Variants in TUSC3 observed in about 807,000 individuals in gnomAD.
TUSC3 encodes the protein dolichyl-diphosphooligosaccharide--protein glycosyltransferase subunit TUSC3.
Under a neutral mutation model 44.8 loss-of-function variants are expected in TUSC3, and 45 were observed. That is an observed-to-expected ratio of 1.00 (90% CI 0.79 to 1.29). The LOEUF is 1.29. Among genes scored for constraint, TUSC3 ranks in the 50% most tolerant of loss-of-function variants. TUSC3 has a pLI of 0.00. For missense variants in TUSC3, 519 were observed against 437.9 expected (o/e 1.19, Z -1.65); for synonymous variants, 212 against 152.9 (o/e 1.39, Z -2.85).
intron 7 of TUSC3, among the ~76,000 whole-genome samples, chr8:15,736,435 AT>A (rs569484672): frequency 4.1e-4 from 63 of 152,324 alleles, no homozygotes; most frequent in African/African-American, 1.5e-3. Context: ...AAAACTCTTT[AT>A]ATAATTTCCC....
downstream of TUSC3, chr8:15,766,730 G>T (rs1404869701): frequency 6.6e-6 from 1 of 151,998 alleles, no homozygotes; most frequent in Non-Finnish European, 1.5e-5. Flanking sequence ...GGTGATTTGG[G>T]GAGACGACTA....
intron 2 of TUSC3, among the ~76,000 whole-genome samples, chr8:15,643,505 C>T (rs1233899069): frequency 6.6e-6 from 1 of 151,372 alleles, no homozygotes; most frequent in Non-Finnish European, 1.5e-5. Flanking sequence ...ATTTTATGTT[C>T]ATATACAGTT....
chr8:15,611,524 G>T (rs1005883098), intron 1 of TUSC3, among the ~76,000 whole-genome samples: 2 of 152,154 alleles, frequency 1.3e-5, no homozygotes, highest in African/African-American at 2.4e-5. Context: ...ATTGTTTTCT[G>T]ATGGATTGCT....
At chr8:15,692,074 C>T (rs1226323877) in intron 6 of TUSC3, among the ~76,000 whole-genome samples, 2 of 152,146 alleles carry the variant, frequency 1.3e-5, no homozygotes, top group African/African-American at 4.8e-5. Flanking sequence ...AGCCACCACG[C>T]CTGGCACATG....
chr8:15,610,712 G>A (rs1410581865), intron 1 of TUSC3, among the ~76,000 whole-genome samples: 1 of 152,118 alleles, frequency 6.6e-6, no homozygotes, highest in Non-Finnish European at 1.5e-5. Flanking sequence ...CATTTGAATA[G>A]GGCTACTGTG....
intron 1 of TUSC3, among the ~76,000 whole-genome samples, chr8:15,481,541 C>T (rs1800661358): frequency 6.6e-6 from 1 of 152,110 alleles, no homozygotes; most frequent in African/African-American, 2.4e-5. Flanking sequence ...ATTTTCTCAG[C>T]ATTCCACAGA....
intron 2 of TUSC3, among the ~76,000 whole-genome samples, chr8:15,647,101 TAATATGTACA>T (rs1303368310): frequency 2.6e-5 from 4 of 152,168 alleles, no homozygotes; most frequent in Admixed American, 6.5e-5. Flanking sequence ...TCATAGTTCA[TAATATGTACA>T]TTCCATACTG....
chr8:15,774,335 G>A, the TUSC3 span, among the ~76,000 whole-genome samples: 1 of 152,062 alleles, frequency 6.6e-6, no homozygotes, highest in Non-Finnish European at 1.5e-5. Context: ...TTAAGATGAG[G>A]TCATACTGGA....
intron 6 of TUSC3, among the ~76,000 whole-genome samples, chr8:15,704,035 T>C (rs1245854282): frequency 6.6e-6 from 1 of 152,010 alleles, no homozygotes; most frequent in Non-Finnish European, 1.5e-5. Context: ...ACACAGACAG[T>C]GAAAAAGCAA....
chr8:15,775,661 T>C, the TUSC3 span, among the ~76,000 whole-genome samples: 5 of 139,030 alleles, frequency 3.6e-5, no homozygotes, highest in African/African-American at 5.4e-5. Flanking sequence ...CACACACATA[T>C]ACATATATAC....
At chr8:15,489,730 G>T in intron 2 of TUSC3, among the ~76,000 whole-genome samples, 1 of 152,240 alleles carries the variant, frequency 6.6e-6, no homozygotes, top group Admixed American at 6.5e-5. Context: ...AGTTGCGCAT[G>T]AATTCAAAAG....
the TUSC3 span, chr8:15,806,068 G>A: frequency 5.9e-5 from 16 of 269,028 alleles, no homozygotes; most frequent in African/African-American, 2.2e-4. Context: ...AGTTGAGGAC[G>A]GATGTTAAAA....
chr8:15,663,474 T>C (rs1305767611), intron 5 of TUSC3, among the ~76,000 whole-genome samples: 1 of 151,792 alleles, frequency 6.6e-6, no homozygotes, highest in Non-Finnish European at 1.5e-5. Flanking sequence ...GATGACTAAG[T>C]TGGAAGTGAT....
chr8:15,600,931 A>G (rs528711322), intron 1 of TUSC3, among the ~76,000 whole-genome samples: 9 of 151,860 alleles, frequency 5.9e-5, no homozygotes, highest in East Asian at 5.8e-4. Context: ...TGGAGAGCCA[A>G]TGTGTTCAGA....
chr8:15,561,059 C>G (rs1563289945), intron 1 of TUSC3, among the ~76,000 whole-genome samples: 1 of 131,920 alleles, frequency 7.6e-6, no homozygotes, highest in Admixed American at 7.9e-5. Flanking sequence ...AACTGCGTTC[C>G]TTTGGAGGAG....
At chr8:15,649,354 G>GCGGGCAGATCA (rs994605451) in intron 2 of TUSC3, among the ~76,000 whole-genome samples, 45 of 152,202 alleles carry the variant, frequency 3.0e-4, no homozygotes, top group Middle Eastern at 6.8e-3. Context: ...GGAGGCCGAG[G>GCGGGCAGATCA]CGGGCAGATC....
intron 5 of TUSC3, among the ~76,000 whole-genome samples, chr8:15,665,681 CAGTG>C (rs1371075786): frequency 1.3e-5 from 2 of 150,814 alleles, no homozygotes; most frequent in South Asian, 2.1e-4. Flanking sequence ...TATATTTAAA[CAGTG>C]AGATTAAATT....
the TUSC3 span, among the ~76,000 whole-genome samples, chr8:15,814,714 A>C: frequency 6.6e-6 from 1 of 152,280 alleles, no homozygotes; most frequent in South Asian, 2.1e-4. Flanking sequence ...GCAAATGAAA[A>C]ACTTCAGCTG....
intron 7 of TUSC3, among the ~76,000 whole-genome samples, chr8:15,741,081 A>ATAAT (rs1218056677): frequency 3.3e-5 from 5 of 152,190 alleles, no homozygotes; most frequent in African/African-American, 1.2e-4. Context: ...TTGGGTGACC[A>ATAAT]TAATTAATGC....
Sources: gnomAD v4.1 joint callset for allele counts (sites outside exome capture counted in the v4.1 genomes callset) on GRCh38, gnomAD v4.1.1 for gene constraint, MANE v1.5 for transcripts, NCBI Gene and HGNC (gene_info 2026-07-23, HGNC 2026-07-21) for gene names.